Variants in PTPRD observed in about 807,000 individuals in gnomAD.
The protein encoded by PTPRD is receptor-type tyrosine-protein phosphatase delta.
In PTPRD, 34 loss-of-function variants were observed where a neutral mutation model predicts 214.5. The observed-to-expected ratio is 0.16, with a 90% CI of 0.12 to 0.21. The LOEUF (loss-of-function observed/expected upper bound fraction) is 0.21, where lower values mean the gene tolerates loss of function less well. Among genes scored for constraint, PTPRD ranks in the 10% least tolerant of loss-of-function variants. The pLI is 1.00. For missense variants in PTPRD, 2,545 were observed against 2,398.7 expected (o/e 1.06, Z -1.27); for synonymous variants, 1,128 against 845.7 (o/e 1.33, Z -5.79).
intron 8 of PTPRD, among the ~76,000 whole-genome samples, chr9:9,430,131 A>G (rs1569568257): frequency 1.3e-5 from 2 of 152,212 alleles, no homozygotes; most frequent in African/African-American, 2.4e-5. Flanking sequence ...TGCAGATGAC[A>G]TGATTGTATG....
At chr9:9,949,504 G>A (rs1015048541) in intron 4 of PTPRD, among the ~76,000 whole-genome samples, 6 of 151,818 alleles carry the variant, frequency 4.0e-5, no homozygotes, top group Non-Finnish European at 5.9e-5. Context: ...CTTCTTCTTT[G>A]CAACAGCCCT....
chr9:10,325,791 G>C (rs1301777976), intron 3 of PTPRD, among the ~76,000 whole-genome samples: 1 of 151,722 alleles, frequency 6.6e-6, no homozygotes, highest in Non-Finnish European at 1.5e-5. Flanking sequence ...AATGACTAAA[G>C]GAAGAATTTT....
chr9:8,504,052 G>C (rs1315266408), intron 23 of PTPRD, among the ~76,000 whole-genome samples: 2 of 152,146 alleles, frequency 1.3e-5, no homozygotes, highest in Non-Finnish European at 2.9e-5. Flanking sequence ...TTCAGTGTAG[G>C]AAGTGGGAAG....
chr9:9,991,402 C>G (rs984552450), intron 4 of PTPRD, among the ~76,000 whole-genome samples: 2 of 151,402 alleles, frequency 1.3e-5, no homozygotes, highest in African/African-American at 4.9e-5. Flanking sequence ...GTTCTTGTTG[C>G]CCAGGCTGGA....
intron 7 of PTPRD, among the ~76,000 whole-genome samples, chr9:9,658,737 A>C (rs2096568523): frequency 6.6e-6 from 1 of 152,174 alleles, no homozygotes; most frequent in South Asian, 2.1e-4. Context: ...AGTACTCTTA[A>C]TACGGCCGGC....
At chr9:8,752,579 G>A (rs2093633776) in intron 11 of PTPRD, among the ~76,000 whole-genome samples, 1 of 152,146 alleles carries the variant, frequency 6.6e-6, no homozygotes, top group South Asian at 2.1e-4. Flanking sequence ...TCTTTCTTGT[G>A]CGAGACTCAA....
chr9:8,727,486 C>T (rs1056915571), intron 12 of PTPRD, among the ~76,000 whole-genome samples: 3 of 152,104 alleles, frequency 2.0e-5, no homozygotes. Flanking sequence ...CACACCTCTA[C>T]TAATTTAGAG....
intron 36 of PTPRD, among the ~76,000 whole-genome samples, chr9:8,398,608 C>T (rs1235686015): frequency 1.3e-5 from 2 of 152,170 alleles, no homozygotes; most frequent in African/African-American, 4.8e-5. Context: ...ATGCTTAAGT[C>T]ATCAGGGCAG....
chr9:10,588,121 T>C (rs2074396518), intron 2 of PTPRD, among the ~76,000 whole-genome samples: 1 of 152,024 alleles, frequency 6.6e-6, no homozygotes, highest in African/African-American at 2.4e-5. Context: ...GGCAGACAAA[T>C]AGGAGTCCCA....
intron 9 of PTPRD, among the ~76,000 whole-genome samples, chr9:9,209,254 G>GTTAA (rs2132709279): frequency 1.3e-5 from 2 of 152,286 alleles, no homozygotes; most frequent in South Asian, 4.2e-4. Context: ...AGACACTATT[G>GTTAA]TTAAGCAATG....
At chr9:10,277,181 A>ACAC (rs1261931338) in intron 3 of PTPRD, among the ~76,000 whole-genome samples, 13 of 88,346 alleles carry the variant, frequency 1.5e-4, no homozygotes, top group African/African-American at 5.5e-4. Context: ...TTTAGTAAAA[A>ACAC]AACAACATAA....
intron 8 of PTPRD, among the ~76,000 whole-genome samples, chr9:9,555,131 C>T (rs557865825): frequency 6.6e-6 from 1 of 152,034 alleles, no homozygotes; most frequent in Non-Finnish European, 1.5e-5. Context: ...CTTTAGAAGA[C>T]TGTGTTTGTA....
At chr9:8,882,433 A>G (rs912677417) in intron 11 of PTPRD, among the ~76,000 whole-genome samples, 2 of 152,164 alleles carry the variant, frequency 1.3e-5, no homozygotes, top group Non-Finnish European at 2.9e-5. Context: ...AGGTCTTCTG[A>G]TCCTCACAAA....
rs1361228066 is a variant in PTPRD, at chr9:9,884,196, A to G, written c.-368+54311T>C. On this transcript the variant is annotated intron_variant, in intron 5 of 45. Coordinates refer to ENST00000381196, the MANE Select transcript of PTPRD (RefSeq NM_002839.4). ...CCCCATCATCCTTCAAACATTGACTATGGACTGTGTTCAGGGCACCAACAT... is the reference window on the plus strand; with the variant it reads ...CCCCATCATCCTTCAAACATTGACTGTGGACTGTGTTCAGGGCACCAACAT... 3.3e-5 allele frequency among the ~76,000 whole-genome samples: 5 copies of G among 152,092 alleles called. No individual in the cohort carries two copies. In the East Asian group the frequency reaches 5.8e-4, roughly 18 times the overall value.
intron 7 of PTPRD, among the ~76,000 whole-genome samples, chr9:9,628,916 G>A (rs1051093495): frequency 1.3e-5 from 2 of 151,884 alleles, no homozygotes; most frequent in Admixed American, 6.6e-5. Flanking sequence ...GCCCACACCT[G>A]TAATCCCAGC....
intron 2 of PTPRD, among the ~76,000 whole-genome samples, chr9:10,383,060 A>G (rs545204950): frequency 6.6e-6 from 1 of 151,938 alleles, no homozygotes; most frequent in Middle Eastern, 3.4e-3. Context: ...CATTGTTCAT[A>G]TTTTTAAATA....
At chr9:9,056,907 C>T (rs2099697279) in intron 10 of PTPRD, among the ~76,000 whole-genome samples, 2 of 152,158 alleles carry the variant, frequency 1.3e-5, no homozygotes, top group Admixed American at 6.5e-5. Flanking sequence ...TACATTGAGA[C>T]TGCAATAATA....
chr9:8,541,497 T>A (rs1397258933), intron 14 of PTPRD, among the ~76,000 whole-genome samples: 1 of 152,188 alleles, frequency 6.6e-6, no homozygotes, highest in African/African-American at 2.4e-5. Flanking sequence ...CTGGAGCAGC[T>A]AGGACCACAA....
intron 3 of PTPRD, among the ~76,000 whole-genome samples, chr9:10,089,965 T>A (rs974484577): frequency 2.0e-5 from 3 of 151,620 alleles, no homozygotes; most frequent in Non-Finnish European, 4.4e-5. Context: ...AATAGTCTAT[T>A]ATTTAGATCT....
Sources: gnomAD v4.1 joint callset for allele counts (sites outside exome capture counted in the v4.1 genomes callset) on GRCh38, gnomAD v4.1.1 for gene constraint, MANE v1.5 for transcripts, NCBI Gene and HGNC (gene_info 2026-07-23, HGNC 2026-07-21) for gene names.